SCAI: variants seen among roughly 807,000 people sequenced by gnomAD.
The protein encoded by SCAI is protein SCAI.
Under a neutral mutation model 92.2 loss-of-function variants are expected in SCAI, and 24 were observed. The ratio of observed to expected loss-of-function variants is 0.26; its 90% confidence interval spans 0.19 to 0.37. The LOEUF is 0.37. Ranked by LOEUF, SCAI falls within the 10% of genes least tolerant of loss-of-function variation. The pLI, the probability that SCAI is intolerant of heterozygous loss-of-function variation, is 1.00. For synonymous variants in SCAI, 261 were observed against 258.6 expected (o/e 1.01, Z -0.09); for missense variants, 450 against 736.2 (o/e 0.61, Z 4.50).
intron 2 of SCAI, among the ~76,000 whole-genome samples, chr9:125,106,138 T>A (rs1235928888): frequency 9.2e-4 from 92 of 99,596 alleles, no homozygotes; most frequent in Middle Eastern, 4.9e-3. Flanking sequence ...TATATATATA[T>A]ATATATATAT....
chr9:125,019,729 A>G (rs147325974), intron 7 of SCAI, among the ~76,000 whole-genome samples: 80 of 152,288 alleles, frequency 5.3e-4, no homozygotes, highest in African/African-American at 1.8e-3. Context: ...ACTGGGTATA[A>G]AGGAAGGTAG....
intron 3 of SCAI, among the ~76,000 whole-genome samples, chr9:125,030,729 C>T (rs566730139): frequency 2.0e-5 from 3 of 152,124 alleles, no homozygotes; most frequent in South Asian, 2.1e-4. Context: ...GCAGATAATA[C>T]GATTAATGAA....
At chr9:125,137,048 C>T (rs770532305) in intron 2 of SCAI, among the ~76,000 whole-genome samples, 6 of 152,110 alleles carry the variant, frequency 3.9e-5, no homozygotes, top group Non-Finnish European at 2.9e-5. Flanking sequence ...TGAGCCACCG[C>T]GCCCGGCCTA....
chr9:125,142,806 A>G (rs1835699532), intron 1 of SCAI, 129 bp from the exon 2 acceptor site: 2 of 732,290 alleles, frequency 2.7e-6, no homozygotes, highest in South Asian at 3.0e-5. Context: ...CCCAGATCTG[A>G]CCTTACAAAC....
At position 125,008,782 on chromosome 9, in the gene SCAI, C is replaced by T. The variant is rs75330196; in HGVS notation, c.862-5212G>A. On this transcript the variant is annotated intron_variant, in intron 9 of 17. Transcript: ENST00000336505. ...GAGCAGAGAAAGAACAGAAGGGAAA[C>T]AATACTCAGAGACATAATAACCATA... Among the ~76,000 whole-genome samples the T allele has an allele frequency of 1.6e-3, 245 of 152,140 alleles. 1 individual carries two copies. Among genetic ancestry groups the T allele is most frequent in the African/African-American group, 5.7e-3 (237 of 41,528 alleles).
chr9:125,117,482 A>G (rs1182352333), intron 2 of SCAI, among the ~76,000 whole-genome samples: 1 of 152,036 alleles, frequency 6.6e-6, no homozygotes, highest in Non-Finnish European at 1.5e-5. Context: ...CCTGGCCAAC[A>G]TGGTGAAACC....
intron 2 of SCAI, among the ~76,000 whole-genome samples, chr9:125,101,701 C>T (rs1345106973): frequency 6.6e-6 from 1 of 152,182 alleles, no homozygotes; most frequent in Non-Finnish European, 1.5e-5. Context: ...ATGCCAAGAA[C>T]TGTGTCAGAC....
intron 3 of SCAI, among the ~76,000 whole-genome samples, chr9:125,046,299 C>T (rs1833438415): frequency 1.4e-5 from 1 of 71,244 alleles, no homozygotes; most frequent in Non-Finnish European, 2.6e-5. Context: ...CCTTTTATGG[C>T]CTATCTCATA....
At chr9:125,044,196 C>T (rs560115902) in intron 3 of SCAI, among the ~76,000 whole-genome samples, 2 of 152,172 alleles carry the variant, frequency 1.3e-5, no homozygotes, top group South Asian at 4.2e-4. Flanking sequence ...GCATGGGAGG[C>T]GGGCCTGGGG....
chr9:124,960,623 G>A (rs1177880695), intron 17 of SCAI, among the ~76,000 whole-genome samples: 1 of 152,158 alleles, frequency 6.6e-6, no homozygotes, highest in East Asian at 1.9e-4. Flanking sequence ...AAGTAATCTC[G>A]AGTGAAAACA....
chr9:124,987,091 G>A (rs1009013811), intron 14 of SCAI, among the ~76,000 whole-genome samples: 3 of 152,188 alleles, frequency 2.0e-5, no homozygotes, highest in Non-Finnish European at 4.4e-5. Context: ...GGAGTGCAGT[G>A]GTGCGATCTC....
chr9:125,012,301 GAC>G (rs1373146249), intron 9 of SCAI, among the ~76,000 whole-genome samples: 27 of 152,078 alleles, frequency 1.8e-4, no homozygotes, highest in African/African-American at 6.3e-4. Flanking sequence ...CACGTGCAGA[GAC>G]ACACATAGGC....
intron 13 of SCAI, among the ~76,000 whole-genome samples, chr9:124,997,969 T>A (rs77158172): frequency 0.019 from 2,832 of 151,712 alleles, 69 homozygotes; most frequent in African/African-American, 0.061. Context: ...TTTAAAAAAA[T>A]TTTTTTTTAA....
At chr9:125,042,117 C>A (rs1427410686) in intron 3 of SCAI, among the ~76,000 whole-genome samples, 2 of 152,090 alleles carry the variant, frequency 1.3e-5, no homozygotes, top group Non-Finnish European at 2.9e-5. Context: ...CTGAATTACC[C>A]CATAATTTAA....
intron 2 of SCAI, among the ~76,000 whole-genome samples, chr9:125,085,012 T>G (rs1347269060): frequency 6.6e-6 from 1 of 152,230 alleles, no homozygotes; most frequent in East Asian, 1.9e-4. Context: ...GTATGGAGGA[T>G]AATGAGCACT....
chr9:125,060,917 C>A (rs1211722634), intron 2 of SCAI, among the ~76,000 whole-genome samples: 1 of 152,170 alleles, frequency 6.6e-6, no homozygotes, highest in Non-Finnish European at 1.5e-5. Context: ...TCAAGTATTT[C>A]ATAAATATAC....
chr9:124,975,298 C>T (rs1564362996), intron 15 of SCAI: 1 of 456,190 alleles, frequency 2.2e-6, no homozygotes, highest in Non-Finnish European at 4.4e-6. Context: ...CAAATGCTGA[C>T]CATCACTTCC....
At chr9:125,106,059 T>C (rs1174017254) in intron 2 of SCAI, among the ~76,000 whole-genome samples, 2 of 119,108 alleles carry the variant, frequency 1.7e-5, no homozygotes, top group African/African-American at 6.7e-5. Flanking sequence ...ATCACACCAC[T>C]GCACTCCAAC....
intron 2 of SCAI, among the ~76,000 whole-genome samples, chr9:125,060,521 C>T (rs148032375): frequency 5.3e-5 from 8 of 151,988 alleles, no homozygotes; most frequent in Non-Finnish European, 8.8e-5. Flanking sequence ...ATGGTTTGGC[C>T]CACCCAAATC....
Sources: gnomAD v4.1 joint callset for allele counts (sites outside exome capture counted in the v4.1 genomes callset) on GRCh38, gnomAD v4.1.1 for gene constraint, MANE v1.5 for transcripts, NCBI Gene and HGNC (gene_info 2026-07-23, HGNC 2026-07-21) for gene names.